WDFY2: variants seen among roughly 807,000 people sequenced by gnomAD.
WDFY2 encodes the protein WD repeat and FYVE domain containing 2.
Under a neutral mutation model 56.4 loss-of-function variants are expected in WDFY2, and 36 were observed. That is an observed-to-expected ratio of 0.64 (90% confidence interval 0.49 to 0.84). WDFY2 has a LOEUF of 0.84. Ranked by LOEUF, WDFY2 falls within the 40% of genes least tolerant of loss-of-function variation. WDFY2 has a pLI of 0.00. For missense variants in WDFY2, 444 were observed against 512.2 expected (o/e 0.87, Z 1.29); for synonymous variants, 176 against 183.7 (o/e 0.96, Z 0.34).
At chr13:51,606,240 A>G (rs562002609) in intron 1 of WDFY2, among the ~76,000 whole-genome samples, 106 of 152,230 alleles carry the variant, frequency 7.0e-4, no homozygotes, top group Non-Finnish European at 8.7e-4. Flanking sequence ...TCTCTAATTC[A>G]AAAATTTCGA....
intron 1 of WDFY2, among the ~76,000 whole-genome samples, chr13:51,648,508 C>T (rs1054688608): frequency 1.3e-5 from 2 of 152,132 alleles, no homozygotes; most frequent in African/African-American, 2.4e-5. Flanking sequence ...TCCTTCTCTG[C>T]TTGCATTTAT....
chr13:51,740,453 C>T (rs758250559), intron 7 of WDFY2, among the ~76,000 whole-genome samples: 1 of 152,214 alleles, frequency 6.6e-6, no homozygotes, highest in Admixed American at 6.5e-5. Context: ...CATTGGCTCA[C>T]GCCTGTAATC....
At chr13:51,634,373 G>T (rs1315167248) in intron 1 of WDFY2, among the ~76,000 whole-genome samples, 1 of 151,822 alleles carries the variant, frequency 6.6e-6, no homozygotes, top group African/African-American at 2.4e-5. Flanking sequence ...CCTGATTCAT[G>T]ATAAATACTC....
At chr13:51,607,232 C>T (rs1954400018) in intron 1 of WDFY2, among the ~76,000 whole-genome samples, 1 of 152,162 alleles carries the variant, frequency 6.6e-6, no homozygotes, top group Admixed American at 6.5e-5. Context: ...TGTGCAAAGT[C>T]CAGTGAGTTG....
chr13:51,630,052 A>G (rs953643819), intron 1 of WDFY2, among the ~76,000 whole-genome samples: 2 of 152,154 alleles, frequency 1.3e-5, no homozygotes, highest in South Asian at 2.1e-4. Context: ...TTCACTTAAC[A>G]TAATATCTCC....
At chr13:51,719,046 C>T (rs369650049) in intron 4 of WDFY2, 152 bp from the exon 5 acceptor site, 47 of 1,074,352 alleles carry the variant, frequency 4.4e-5, no homozygotes, top group African/African-American at 2.0e-4. Context: ...CCAACCCCCA[C>T]GAGAACCACT....
At chr13:51,648,411 T>C (rs1167225445) in intron 1 of WDFY2, among the ~76,000 whole-genome samples, 1 of 152,158 alleles carries the variant, frequency 6.6e-6, no homozygotes, top group Non-Finnish European at 1.5e-5. Flanking sequence ...ATTGATTCTT[T>C]TAATCTTTCA....
At chr13:51,745,203 AC>A (rs1953066360) in intron 7 of WDFY2, among the ~76,000 whole-genome samples, 1 of 152,330 alleles carries the variant, frequency 6.6e-6, no homozygotes, top group East Asian at 1.9e-4. Context: ...CTTGAGTGTC[AC>A]AGTGGTGGCA....
At chr13:51,614,574 A>G (rs541024479) in intron 1 of WDFY2, among the ~76,000 whole-genome samples, 1 of 152,250 alleles carries the variant, frequency 6.6e-6, no homozygotes, top group Non-Finnish European at 1.5e-5. Context: ...TCCAGTCAGC[A>G]TTGCATCTGC....
chr13:51,652,481 T>G (rs1955412411), intron 1 of WDFY2, among the ~76,000 whole-genome samples: 1 of 152,254 alleles, frequency 6.6e-6, no homozygotes, highest in South Asian at 2.1e-4. Context: ...CATTAGTTGA[T>G]GCAGTTTCTT....
intron 11 of WDFY2, 124 bp downstream of exon 11, chr13:51,758,424 G>A (rs1593485844): frequency 3.5e-6 from 2 of 565,724 alleles, no homozygotes; most frequent in East Asian, 6.4e-5. Context: ...GGTGGCATGT[G>A]TCTGTAGTCC....
intron 3 of WDFY2, among the ~76,000 whole-genome samples, chr13:51,687,215 C>T (rs534647535): frequency 3.2e-4 from 49 of 151,674 alleles, no homozygotes; most frequent in African/African-American, 1.2e-3. Context: ...ATATTGAACA[C>T]CTACTATGTG....
chr13:51,669,972 A>G (rs1214585885), intron 2 of WDFY2, among the ~76,000 whole-genome samples: 1 of 152,152 alleles, frequency 6.6e-6, no homozygotes, highest in Non-Finnish European at 1.5e-5. Context: ...GCTGTATTAT[A>G]ATTTTATGGG....
rs1473916886 is a variant in WDFY2, at chr13:51,631,378, A to C, written c.138-29218A>C. Among the ~76,000 whole-genome samples, 4 of 150,912 alleles carry C rather than the reference A, an allele frequency of 2.7e-5. No homozygotes were observed. The East Asian group carries it at 7.8e-4, about 30-fold the overall frequency. ...CGCACTGCAGCCTGGGAGATGAAGC[A>C]AGATCCTGTCTCTAAAAAAAAAAAA... is the stretch of plus-strand genomic sequence containing the variant. On this transcript the variant is annotated intron_variant, in intron 1 of 11. Transcript: ENST00000298125.
rs994580583 is a variant in WDFY2 at position 51,765,543 on chromosome 13, T to C, written c.*5774T>C. The stretch of plus-strand genomic sequence containing the variant: ...TTTGATCATCATTCTTAAAGTCCCT[T>C]CCAATCCTGTGATTCTCTGATTCCC... On this transcript the variant is annotated 3_prime_UTR_variant, in exon 12 of 12. Coordinates refer to ENST00000298125, the MANE Select transcript of WDFY2 (RefSeq NM_052950.4). 6.6e-6 allele frequency: 1 copy of C among 152,220 alleles called. No individual in the cohort carries two copies. The highest frequency in any genetic ancestry group is 2.4e-5 in the African/African-American group (1 of 41,450). 9.4% of individuals were successfully genotyped at this position (152,220 alleles called of 1,614,324 possible). A position where few individuals can be genotyped will look rare whatever the true frequency, so the allele number is the denominator to read the frequency against.
intron 8 of WDFY2, among the ~76,000 whole-genome samples, chr13:51,753,603 C>CT (rs1000800052): frequency 6.6e-5 from 10 of 151,926 alleles, no homozygotes; most frequent in South Asian, 2.1e-4. Context: ...GTGTGTAAGA[C>CT]TTTTTTTTGA....
chr13:51,727,616 T>C (rs1293188714), intron 5 of WDFY2, 62 bp from the exon 6 acceptor site: 8 of 1,524,006 alleles, frequency 5.2e-6, no homozygotes, highest in Non-Finnish European at 7.2e-6. Context: ...TTATGCCCTG[T>C]TTTTTCATTG....
chr13:51,659,216 C>T (rs537584668), intron 1 of WDFY2, among the ~76,000 whole-genome samples: 190 of 152,278 alleles, frequency 1.2e-3, no homozygotes, highest in Middle Eastern at 3.4e-3. Flanking sequence ...TGTGAGCCAC[C>T]GCGCACAGCC....
Position 51,660,538 on chromosome 13 carries a change from G to C in WDFY2, c.138-58G>C. The stretch of plus-strand genomic sequence containing the variant: ...TAAGAGATTTGTTTTCTATGTATCA[G>C]CATTTTCCCATGGCTAAGAATAATG... On this transcript the variant is annotated intron_variant, in intron 1 of 11. Coordinates refer to ENST00000298125, the MANE Select transcript of WDFY2 (RefSeq NM_052950.4). 3 of 1,533,802 alleles carry C rather than the reference G, an allele frequency of 2.0e-6. No individual in the cohort carries two copies. The South Asian group carries it at 3.4e-5, about 17-fold the overall frequency.
Sources: allele counts gnomAD v4.1 joint callset (sites outside exome capture counted in the v4.1 genomes callset), GRCh38; gene constraint gnomAD v4.1.1; transcripts MANE v1.5; gene names NCBI Gene and HGNC (gene_info 2026-07-23, HGNC 2026-07-21).